The following VTI1A variants were observed in gnomAD, a reference collection of about 807,000 sequenced individuals.
VTI1A encodes the protein vesicle transport through interaction with t-SNAREs homolog 1A.
A neutral mutation model predicts 34.9 loss-of-function variants in VTI1A; 22 were observed. The ratio of observed to expected loss-of-function variants is 0.63; its 90% CI spans 0.45 to 0.90. The LOEUF is 0.90. Ranked by LOEUF, VTI1A falls within the 40% of genes least tolerant of loss-of-function variation. VTI1A has a pLI of 0.00. For synonymous variants in VTI1A, 87 were observed against 97.3 expected (o/e 0.89, Z 0.62); for missense variants, 268 against 275.6 (o/e 0.97, Z 0.20).
At chr10:112,511,992 A>G (rs988000121) in intron 3 of VTI1A, among the ~76,000 whole-genome samples, 1 of 152,114 alleles carries the variant, frequency 6.6e-6, no homozygotes, top group African/African-American at 2.4e-5. Context: ...TTGATGCCAT[A>G]TCTTTGCTTG....
At chr10:112,535,612 A>G (rs1027925524) in intron 4 of VTI1A, among the ~76,000 whole-genome samples, 16 of 152,126 alleles carry the variant, frequency 1.1e-4, no homozygotes, top group African/African-American at 3.9e-4. Flanking sequence ...CTCCGTTTGA[A>G]TCCTACATCT....
At chr10:112,587,422 A>G (rs926818172) in intron 5 of VTI1A, among the ~76,000 whole-genome samples, 2 of 152,204 alleles carry the variant, frequency 1.3e-5, no homozygotes, top group African/African-American at 4.8e-5. Context: ...GCATAAAAAA[A>G]TAAGTCAAAC....
At chr10:112,514,569 A>G (rs1445327523) in intron 3 of VTI1A, among the ~76,000 whole-genome samples, 3 of 150,848 alleles carry the variant, frequency 2.0e-5, no homozygotes, top group African/African-American at 4.9e-5. Flanking sequence ...TTGTTCTTCT[A>G]GTTTCTTGAA....
intron 3 of VTI1A, among the ~76,000 whole-genome samples, chr10:112,504,764 T>C (rs1035748264): frequency 1.3e-5 from 2 of 152,196 alleles, no homozygotes; most frequent in Non-Finnish European, 2.9e-5. Flanking sequence ...ATGGAGATAT[T>C]GGTTACTTGC....
intron 7 of VTI1A, among the ~76,000 whole-genome samples, chr10:112,706,007 C>A (rs909957052): frequency 6.6e-6 from 1 of 152,154 alleles, no homozygotes; most frequent in South Asian, 2.1e-4. Flanking sequence ...ATTCATCAAT[C>A]TTCCATCTTT....
intron 3 of VTI1A, among the ~76,000 whole-genome samples, chr10:112,492,457 A>G (rs142269379): frequency 1.3e-4 from 20 of 152,312 alleles, no homozygotes; most frequent in Non-Finnish European, 2.4e-4. Flanking sequence ...TATTTGTTAG[A>G]TAAAAGCTAT....
chr10:112,569,283 A>G (rs896568001), intron 5 of VTI1A, among the ~76,000 whole-genome samples: 1 of 152,186 alleles, frequency 6.6e-6, no homozygotes, highest in Admixed American at 6.5e-5. Context: ...CCAGGCATAC[A>G]CTTCATTTGA....
At chr10:112,563,990 T>C (rs925186447) in intron 5 of VTI1A, among the ~76,000 whole-genome samples, 1 of 152,160 alleles carries the variant, frequency 6.6e-6, no homozygotes. Context: ...TTTTTAAACA[T>C]TAGACATCAT....
the VTI1A span, among the ~76,000 whole-genome samples, chr10:112,839,020 A>C: frequency 2.0e-5 from 3 of 152,218 alleles, no homozygotes; most frequent in African/African-American, 7.2e-5. Context: ...GTCACCTCGC[A>C]GCTCAGCCCA....
At chr10:112,561,816 G>A (rs763050900) in intron 5 of VTI1A, among the ~76,000 whole-genome samples, 2 of 151,758 alleles carry the variant, frequency 1.3e-5, no homozygotes, top group Non-Finnish European at 2.9e-5. Context: ...AGAAATATAT[G>A]GAAGAATATT....
intron 7 of VTI1A, among the ~76,000 whole-genome samples, chr10:112,685,986 G>T (rs748744860): frequency 1.3e-5 from 2 of 152,136 alleles, no homozygotes; most frequent in Non-Finnish European, 2.9e-5. Context: ...CCAGAATTCA[G>T]TGCATGATGC....
At chr10:112,839,950 TG>T in the VTI1A span, among the ~76,000 whole-genome samples, 1 of 152,266 alleles carries the variant, frequency 6.6e-6, no homozygotes, top group East Asian at 1.9e-4. Context: ...GGCACATTCC[TG>T]GACATCTTTG....
chr10:112,647,654 G>A (rs1257293092), intron 5 of VTI1A, among the ~76,000 whole-genome samples: 1 of 152,148 alleles, frequency 6.6e-6, no homozygotes, highest in Non-Finnish European at 1.5e-5. Context: ...CTAAAAGTAT[G>A]TTTTTCCGTA....
intron 7 of VTI1A, chr10:112,736,871 T>G (rs1850500183): frequency 5.0e-6 from 4 of 794,436 alleles, no homozygotes; most frequent in East Asian, 5.3e-5. Context: ...AAATGAGTAG[T>G]GAGATGATGC....
intron 7 of VTI1A, among the ~76,000 whole-genome samples, chr10:112,677,427 T>A (rs1001471555): frequency 2.6e-5 from 4 of 152,234 alleles, no homozygotes; most frequent in African/African-American, 9.6e-5. Context: ...GTATTGTAAT[T>A]ATTATCAACT....
chr10:112,482,935 G>A (rs1487307888), intron 3 of VTI1A, among the ~76,000 whole-genome samples: 2 of 152,112 alleles, frequency 1.3e-5, no homozygotes, highest in African/African-American at 2.4e-5. Flanking sequence ...GAATTCTGTC[G>A]TGACTGGGGC....
At chr10:112,593,837 C>A (rs553193206) in intron 5 of VTI1A, among the ~76,000 whole-genome samples, 63 of 152,204 alleles carry the variant, frequency 4.1e-4, no homozygotes, top group African/African-American at 1.4e-3. Context: ...CCCGGGCTCA[C>A]GCCATTCTCC....
intron 6 of VTI1A, among the ~76,000 whole-genome samples, chr10:112,668,619 TTA>T (rs1453441677): frequency 6.6e-6 from 1 of 152,094 alleles, no homozygotes; most frequent in African/African-American, 2.4e-5. Flanking sequence ...TTATTTTTGT[TTA>T]TATGTTTTTA....
chr10:112,697,866 A>ATGTGTGTGTGTGTGTGTGTGTGTGTGTG (rs67142519), intron 7 of VTI1A, among the ~76,000 whole-genome samples: 1 of 134,824 alleles, frequency 7.4e-6, no homozygotes, highest in Non-Finnish European at 1.7e-5. Flanking sequence ...TAGCATTTAC[A>ATGTGTGTGTGTGTGTGTGTGTGTGTGTG]TGTGTGTGTG....
Sources: allele counts gnomAD v4.1 joint callset (sites outside exome capture counted in the v4.1 genomes callset), GRCh38; gene constraint gnomAD v4.1.1; transcripts MANE v1.5; gene names NCBI Gene and HGNC (gene_info 2026-07-23, HGNC 2026-07-21).